The following YKT6 variants were observed in gnomAD, a reference collection of about 807,000 sequenced individuals.
YKT6 encodes the protein YKT6 vesicular SNARE protein, also known as synaptobrevin homolog YKT6.
YKT6 carries 12 observed loss-of-function variants against 29.3 expected under a neutral mutation model. That is an observed-to-expected ratio of 0.41 (90% CI 0.26 to 0.66). The LOEUF is 0.66. Among genes scored for constraint, YKT6 ranks in the 30% least tolerant of loss-of-function variants. The pLI is 0.32. For missense variants in YKT6, 188 were observed against 243.8 expected (o/e 0.77, Z 1.52); for synonymous variants, 86 against 94.3 (o/e 0.91, Z 0.51).
intron 4 of YKT6, 103 bp downstream of exon 4, chr7:44,207,595 G>A: frequency 2.2e-6 from 2 of 922,856 alleles, no homozygotes; most frequent in East Asian, 5.2e-5. Context: ...ACTTCTGACA[G>A]CTTCTGATGC....
rs1183379380 is a variant in YKT6, at chr7:44,212,253, A to G, written c.568A>G (p.Lys190Glu). ...QSKAFYKTARKQNSCCAIM is the reference protein window; with the variant it reads ...QSKAFYKTAREQNSCCAIM ...CTCTTTGTTTTTTTCCAAGGCCCGG[A>G]AACAAAACTCATGCTGTGCCATCAT... The change falls in exon 7 of 7, where the codon AAA (lysine) becomes GAA (glutamate). Residue 190 changes from lysine to glutamate, a missense_variant. Coordinates refer to ENST00000223369, the MANE Select transcript of YKT6 (RefSeq NM_006555.4). 6.2e-7 allele frequency: 1 copy of G among 1,613,950 alleles called. No homozygotes were observed. Among genetic ancestry groups the G allele is most frequent in the South Asian group, 1.1e-5 (1 of 91,070 alleles).
At chr7:44,207,314 G>A in intron 3 of YKT6, 74 bp from the exon 4 acceptor site, 2 of 1,345,280 alleles carry the variant, frequency 1.5e-6, no homozygotes, top group Non-Finnish European at 1.1e-6. Flanking sequence ...GAGGTGCTCA[G>A]GGGTGAAGCC....
chr7:44,206,243 C>A, intron 2 of YKT6, 142 bp from the exon 3 acceptor site: 1 of 767,258 alleles, frequency 1.3e-6, no homozygotes. Context: ...GCTGCTAAGC[C>A]TCTCCACAAG....
At chr7:44,211,210 C>A in intron 6 of YKT6, 86 bp downstream of exon 6, 2 of 1,209,078 alleles carry the variant, frequency 1.7e-6, no homozygotes, top group Non-Finnish European at 2.4e-6. Context: ...CCACTATGAA[C>A]GGGTCTTTCT....
rs151296855 is a variant in YKT6 at position 44,202,266 on chromosome 7, TA to T, written c.104+1034del. 6.2e-3 allele frequency among the ~76,000 whole-genome samples: 947 copies of T among 152,308 alleles called. 9 individuals carry two copies. The highest frequency in any genetic ancestry group is 0.022 in the African/African-American group (910 of 41,558). ...AACTTTCTGCTTCTTTGAGTTCTTTTAAAAAAATATTTTTAATTGTGGTAAA... is the reference window on the plus strand; with the variant it reads ...AACTTTCTGCTTCTTTGAGTTCTTTTAAAAAATATTTTTAATTGTGGTAAA... On this transcript the variant is annotated intron_variant, in intron 1 of 6. Transcript: ENST00000223369.
intron 2 of YKT6, among the ~76,000 whole-genome samples, chr7:44,205,632 G>A (rs1339211536): frequency 6.6e-6 from 1 of 152,180 alleles, no homozygotes; most frequent in African/African-American, 2.4e-5. Flanking sequence ...GTTCTTATTT[G>A]TAAGCTGTAA....
intron 5 of YKT6, among the ~76,000 whole-genome samples, chr7:44,210,275 G>A (rs1164635301): frequency 6.6e-6 from 1 of 152,144 alleles, no homozygotes; most frequent in East Asian, 1.9e-4. Flanking sequence ...AGATAGCTCT[G>A]TGGGCCTGGC....
At chr7:44,205,503 T>C (rs1265496078) in intron 2 of YKT6, among the ~76,000 whole-genome samples, 1 of 152,236 alleles carries the variant, frequency 6.6e-6, no homozygotes, top group Non-Finnish European at 1.5e-5. Context: ...TCATTCTTGT[T>C]CTCATTTATC....
At chr7:44,209,223 A>C (rs552945516) in intron 5 of YKT6, among the ~76,000 whole-genome samples, 2 of 152,318 alleles carry the variant, frequency 1.3e-5, no homozygotes, top group African/African-American at 4.8e-5. Flanking sequence ...TAGTGTGTAC[A>C]TCAGCGTCTC....
At position 44,201,009 on chromosome 7, in the gene YKT6, T is replaced by C. The variant is rs559441435; in HGVS notation, c.-127T>C. 2.9e-6 allele frequency: 2 copies of C among 684,002 alleles called. No individual in the cohort carries two copies. Among genetic ancestry groups the C allele is most frequent in the South Asian group, 2.1e-5 (1 of 47,040 alleles). The allele number at this position is 684,002 out of a possible 1,614,324, so 42.4% of individuals were successfully genotyped here. A position where few individuals can be genotyped will look rare whatever the true frequency, so the allele number is the denominator to read the frequency against. ...CGAGCCAGGAGGAGGAAGCCGGCGGTGGCCCCGTCAGCAGCCGGCTGCTGA... is the reference window on the plus strand; with the variant it reads ...CGAGCCAGGAGGAGGAAGCCGGCGGCGGCCCCGTCAGCAGCCGGCTGCTGA... On this transcript the variant is annotated 5_prime_UTR_variant, in exon 1 of 7. Coordinates refer to ENST00000223369, the MANE Select transcript of YKT6 (RefSeq NM_006555.4).
At chr7:44,208,055 T>TAA (rs2096342836) in intron 4 of YKT6, 78 bp from the exon 5 acceptor site, 1 of 1,482,590 alleles carries the variant, frequency 6.7e-7, no homozygotes, top group Admixed American at 1.8e-5. Flanking sequence ...TGAAAGTTTG[T>TAA]CCAGCTTCCT....
At chr7:44,211,211 G>T in intron 6 of YKT6, 87 bp downstream of exon 6, 1 of 1,206,064 alleles carries the variant, frequency 8.3e-7, no homozygotes, top group Non-Finnish European at 1.2e-6. Context: ...CACTATGAAC[G>T]GGTCTTTCTT....
At chr7:44,208,643 A>G (rs2096343458) in intron 5 of YKT6, 1 of 158,420 alleles carries the variant, frequency 6.3e-6, no homozygotes, top group African/African-American at 2.4e-5. Context: ...CTTCTGGAAT[A>G]TGGGCCCAGG....
At position 44,206,508 on chromosome 7, in the gene YKT6, C is replaced by T. The variant is rs1274451520; in HGVS notation, c.288+23C>T. 6 of 1,603,996 alleles carry T rather than the reference C, an allele frequency of 3.7e-6. No homozygotes were observed. In the South Asian group the frequency reaches 6.6e-5, roughly 18 times the overall value. The stretch of plus-strand genomic sequence containing the variant: ...AAGGTGAGTTTTTTATTTGCCTCTC[C>T]TGGACTTGGATGATGAATGGGCACA... On this transcript the variant is annotated intron_variant, in intron 3 of 6. Coordinates refer to ENST00000223369, the MANE Select transcript of YKT6 (RefSeq NM_006555.4).
chr7:44,205,933 CTT>C (rs1005943373), intron 2 of YKT6, among the ~76,000 whole-genome samples: 1 of 152,170 alleles, frequency 6.6e-6, no homozygotes, highest in East Asian at 1.9e-4. Context: ...AATTTCCTGT[CTT>C]TTGGCTGCTC....
At chr7:44,203,724 T>A (rs895419127) in intron 1 of YKT6, among the ~76,000 whole-genome samples, 1 of 152,230 alleles carries the variant, frequency 6.6e-6, no homozygotes, top group African/African-American at 2.4e-5. Flanking sequence ...AAATCTTGAT[T>A]TTTTTAATGT....
chr7:44,201,081 T>C lies in YKT6; in HGVS notation c.-55T>C, dbSNP rs941758699. 8.1e-6 allele frequency: 12 copies of C among 1,475,996 alleles called. No individual in the cohort carries two copies. In the African/African-American group the frequency reaches 1.6e-4, roughly 20 times the overall value. The allele number at this position is 1,475,996 out of a possible 1,614,324, so 91.4% of individuals were successfully genotyped here. ...TCCCGAGGGGCGGCGGCCGCGCTGC[T>C]CCCTGAGAACGGGTCCCGCAGCTGG... On this transcript the variant is annotated 5_prime_UTR_variant, in exon 1 of 7. Transcript: ENST00000223369.
intron 4 of YKT6, among the ~76,000 whole-genome samples, chr7:44,207,826 A>G (rs2096342419): frequency 6.6e-6 from 1 of 152,036 alleles, no homozygotes; most frequent in Non-Finnish European, 1.5e-5. Flanking sequence ...CCTGGGTTCA[A>G]GCGATTCTCC....
At chr7:44,203,313 C>T (rs970296502) in intron 1 of YKT6, among the ~76,000 whole-genome samples, 1 of 152,138 alleles carries the variant, frequency 6.6e-6, no homozygotes, top group Non-Finnish European at 1.5e-5. Flanking sequence ...AGGCTGGTCT[C>T]GAACTCCTGA....
Sources: allele counts gnomAD v4.1 joint callset (sites outside exome capture counted in the v4.1 genomes callset), GRCh38; gene constraint gnomAD v4.1.1; transcripts MANE v1.5; gene names NCBI Gene and HGNC (gene_info 2026-07-23, HGNC 2026-07-21).